SEMA3A: variants seen among roughly 807,000 people sequenced by gnomAD.
SEMA3A encodes semaphorin-3A.
In SEMA3A, 29 loss-of-function variants were observed where a neutral mutation model predicts 97.9. The ratio of observed to expected loss-of-function variants is 0.30; its 90% CI spans 0.22 to 0.40. The LOEUF (loss-of-function observed/expected upper bound fraction) is 0.40. SEMA3A is among the 10% of genes least tolerant of loss of function. The pLI, the probability that SEMA3A is intolerant of heterozygous loss-of-function variation, is 1.00. For missense variants in SEMA3A, 763 were observed against 951.3 expected, an observed-to-expected ratio of 0.80 and a Z score of 2.60; for synonymous variants, 321 against 323.7, an observed-to-expected ratio of 0.99 and a Z score of 0.09.
intron 3 of SEMA3A, among the ~76,000 whole-genome samples, chr7:84,237,099 A>G (rs1799253905): frequency 6.6e-6 from 1 of 152,196 alleles, no homozygotes; most frequent in South Asian, 2.1e-4. Flanking sequence ...ATTAATAGTG[A>G]AAACATATTT....
At chr7:84,207,553 T>G (rs1486089670) in intron 3 of SEMA3A, among the ~76,000 whole-genome samples, 2 of 152,212 alleles carry the variant, frequency 1.3e-5, no homozygotes, top group Non-Finnish European at 2.9e-5. Context: ...ACTGAAGAAA[T>G]TACTGTGTTC....
In SEMA3A at chr7:84,377,258, C is replaced by T. The variant is rs566787553; in HGVS notation, c.-245-5358G>A. ...TTGTGGATATCTATTTTTCCTAGTA[C>T]GACTTATTAAGGACACTGTCCTTTC... On this transcript the variant is annotated intron_variant, in intron 1 of 3. Coordinates refer to the SEMA3A transcript ENST00000424555. Among the ~76,000 whole-genome samples the T allele has an allele frequency of 2.2e-4, 34 of 152,074 alleles. No individual in the cohort carries two copies. The South Asian group carries it at 4.8e-3, about 21-fold the overall frequency.
chr7:84,059,907 T>G (rs1340954456), intron 5 of SEMA3A, among the ~76,000 whole-genome samples: 1 of 152,142 alleles, frequency 6.6e-6, no homozygotes, highest in African/African-American at 2.4e-5. Flanking sequence ...AAATTCTTTA[T>G]TTTTCAATAC....
At chr7:84,059,266 ATGC>A (rs1375918470) in intron 5 of SEMA3A, among the ~76,000 whole-genome samples, 2 of 152,182 alleles carry the variant, frequency 1.3e-5, no homozygotes, top group Non-Finnish European at 2.9e-5. Flanking sequence ...TTTTGTTAAA[ATGC>A]TGCATAAATG....
At position 84,194,583 on chromosome 7, in the gene SEMA3A, C is replaced by T; in HGVS notation, c.4G>A (p.Gly2Ser). The T allele has an allele frequency of 6.3e-7, 1 of 1,599,212 alleles. No homozygotes were observed. Among genetic ancestry groups the T allele is most frequent in the Non-Finnish European group, 8.6e-7 (1 of 1,166,614 alleles). Residue 2 changes from glycine (G) to serine (S), a missense_variant, in exon 1 of 17, where the codon GGC (glycine) becomes AGC (serine). Gly to Ser is a moderately conservative substitution (Grantham distance 56, BLOSUM62 0). Transcript: ENST00000265362. ...AGACAGACAATCCTAGTTAACCAGC[C>T]CATGCTGCAGACGCTGTAGGTCCCT... M[G>S]WLTRIVCLFW...
intron 5 of SEMA3A, among the ~76,000 whole-genome samples, chr7:84,056,600 C>T (rs1296146765): frequency 6.6e-6 from 1 of 151,396 alleles, no homozygotes; most frequent in Non-Finnish European, 1.5e-5. Flanking sequence ...AAAGAAAATA[C>T]CCCCTCTATC....
chr7:84,280,705 C>T (rs951734843), intron 3 of SEMA3A, among the ~76,000 whole-genome samples: 3 of 151,866 alleles, frequency 2.0e-5, no homozygotes, highest in Non-Finnish European at 2.9e-5. Context: ...TCCTTGAACC[C>T]GGGAGGCGGA....
rs143146059 is a variant in SEMA3A, at chr7:84,385,053, A to T, written c.-245-13153T>A. Among the ~76,000 whole-genome samples, 398 of 141,834 alleles carry T rather than the reference A, an allele frequency of 2.8e-3. 1 individual carries two copies. The highest frequency in any genetic ancestry group is 7.1e-3 in the Middle Eastern group (2 of 282). The allele number at this position is 141,834 out of a possible 152,430, so 93.0% of individuals were successfully genotyped here. On this transcript the variant is annotated intron_variant, in intron 1 of 3. Coordinates refer to the SEMA3A transcript ENST00000424555. ...ATAAACTAAAAAGTCAAGTGAAGGG[A>T]ACATCCACAAAACACACACACACAC...
intron 1 of SEMA3A, among the ~76,000 whole-genome samples, chr7:84,466,923 T>G (rs1309265338): frequency 6.6e-6 from 1 of 152,160 alleles, no homozygotes; most frequent in African/African-American, 2.4e-5. Flanking sequence ...AAGTTCTTCA[T>G]AAACTTTCCT....
rs1300098211 is a variant in SEMA3A, at chr7:84,338,415, T to C, written c.-168-31123A>G. 3.3e-5 allele frequency among the ~76,000 whole-genome samples: 5 copies of C among 152,190 alleles called. No homozygotes were observed. The East Asian group carries it at 9.6e-4, about 29-fold the overall frequency. On this transcript the variant is annotated intron_variant, in intron 2 of 3. Transcript: ENST00000424555. Reference sequence around the variant, plus strand: ...TTAGAATTACATTCCTCCCAAATTTTTGCATCATCCCACTCTGGCATTAGG... The same window carrying C: ...TTAGAATTACATTCCTCCCAAATTTCTGCATCATCCCACTCTGGCATTAGG...
At chr7:84,228,525 C>T (rs1799044363) in intron 3 of SEMA3A, among the ~76,000 whole-genome samples, 1 of 151,892 alleles carries the variant, frequency 6.6e-6, no homozygotes, top group Non-Finnish European at 1.5e-5. Context: ...GGTAAAAATT[C>T]ATGTATATAT....
chr7:84,361,140 T>G (rs4728553), intron 2 of SEMA3A, among the ~76,000 whole-genome samples: 28 of 152,078 alleles, frequency 1.8e-4, no homozygotes, highest in Admixed American at 1.8e-3. Context: ...TTCATTGACT[T>G]TGGGAAAAAT....
intron 3 of SEMA3A, among the ~76,000 whole-genome samples, chr7:84,233,175 T>C (rs1799154209): frequency 6.6e-6 from 1 of 152,040 alleles, no homozygotes; most frequent in Admixed American, 6.6e-5. Flanking sequence ...TTTGCCCCTT[T>C]TATGTAGTTA....
At chr7:83,964,322 G>T (rs1270523319) in intron 15 of SEMA3A, among the ~76,000 whole-genome samples, 1 of 152,150 alleles carries the variant, frequency 6.6e-6, no homozygotes, top group Non-Finnish European at 1.5e-5. Context: ...TGTTTTACAT[G>T]CACAGAAAGC....
At chr7:84,259,475 G>A (rs1202186212) in intron 3 of SEMA3A, among the ~76,000 whole-genome samples, 1 of 152,130 alleles carries the variant, frequency 6.6e-6, no homozygotes, top group East Asian at 1.9e-4. Context: ...TCCATGAGGT[G>A]TAGGGAATTG....
intron 6 of SEMA3A, among the ~76,000 whole-genome samples, chr7:84,029,704 T>A (rs993159631): frequency 2.0e-5 from 3 of 152,162 alleles, no homozygotes; most frequent in Non-Finnish European, 4.4e-5. Flanking sequence ...TATATGCTCT[T>A]GTCATTTGAG....
Position 84,450,911 on chromosome 7 carries a change from C to T in SEMA3A, c.-246+41549G>A, listed in dbSNP as rs569457475. Among the ~76,000 whole-genome samples, 3 of 152,194 alleles carry T rather than the reference C, an allele frequency of 2.0e-5. No homozygotes were observed. In the East Asian group the frequency reaches 5.8e-4, roughly 29 times the overall value. On this transcript the variant is annotated intron_variant, in intron 1 of 3. Transcript: ENST00000424555. The stretch of plus-strand genomic sequence containing the variant: ...TCCTTCTATGTTTTCATATTAACCC[C>T]TTAGCAAATATATAGTCTGCCAAGT...
At chr7:84,009,467 T>C (rs1790791658) in intron 9 of SEMA3A, among the ~76,000 whole-genome samples, 1 of 152,228 alleles carries the variant, frequency 6.6e-6, no homozygotes. Flanking sequence ...CTTTAATAGT[T>C]ACAGAATAAA....
intron 2 of SEMA3A, among the ~76,000 whole-genome samples, chr7:84,312,915 T>TACACACAC (rs1186737768): frequency 2.3e-5 from 1 of 43,574 alleles, no homozygotes; most frequent in Non-Finnish European, 6.0e-5. Flanking sequence ...TATATATATA[T>TACACACAC]ATATATACAC....
Sources: gnomAD v4.1 joint callset for allele counts (sites outside exome capture counted in the v4.1 genomes callset) on GRCh38, gnomAD v4.1.1 for gene constraint, MANE v1.5 for transcripts, NCBI Gene and HGNC (gene_info 2026-07-23, HGNC 2026-07-21) for gene names.